The following AAK1 variants were observed in gnomAD, a reference collection of about 807,000 sequenced individuals.
AAK1 encodes AP2-associated protein kinase 1.
A neutral mutation model predicts 116.0 loss-of-function variants in AAK1; 37 were observed. That is an observed-to-expected ratio of 0.32 (90% CI 0.25 to 0.42). AAK1 has a LOEUF of 0.42. Ranked by LOEUF, AAK1 falls within the 10% of genes least tolerant of loss-of-function variation. AAK1 has a pLI of 1.00. For missense variants in AAK1, 919 were observed against 1,170.6 expected (o/e 0.79, Z 3.14); for synonymous variants, 458 against 439.9 (o/e 1.04, Z -0.51).
At chr2:69,633,218 C>CA (rs199667063) in intron 2 of AAK1, among the ~76,000 whole-genome samples, 29,202 of 105,834 alleles carry the variant, frequency 0.28, 4,121 homozygotes, top group East Asian at 0.51. Context: ...GACTCTGTTT[C>CA]AAAAAAAAAA....
At chr2:69,498,326 T>A (rs562492578) in intron 16 of AAK1, among the ~76,000 whole-genome samples, 24 of 152,164 alleles carry the variant, frequency 1.6e-4, no homozygotes, top group Non-Finnish European at 2.2e-4. Context: ...CTGGCTCTGA[T>A]TTCCTTCTTT....
chr2:69,460,558 G>A lies in AAK1; in HGVS notation c.*15311C>T, dbSNP rs1484460930. On this transcript the variant is annotated 3_prime_UTR_variant, in exon 22 of 22. Coordinates refer to ENST00000409085, the MANE Select transcript of AAK1 (RefSeq NM_014911.5). ...TATCTTTCTAGAACGTTTAGAAAGA[G>A]ATCTTAGTTGCCAGAGAAAACTCAG... The A allele has an allele frequency of 6.6e-6, 1 of 152,206 alleles. No homozygotes were observed. Among genetic ancestry groups the A allele is most frequent in the Non-Finnish European group, 1.5e-5 (1 of 68,042 alleles). 9.4% of individuals were successfully genotyped at this position (152,206 alleles called of 1,614,324 possible).
rs1054950065 is a variant in AAK1, at chr2:69,467,103, G to A, written c.*8766C>T. The A allele has an allele frequency of 1.2e-5, 12 of 985,256 alleles. No homozygotes were observed. Among genetic ancestry groups the A allele is most frequent in the South Asian group, 9.4e-5 (2 of 21,288 alleles). The allele number at this position is 985,256 out of a possible 1,614,324, so 61.0% of individuals were successfully genotyped here. On this transcript the variant is annotated 3_prime_UTR_variant, in exon 22 of 22. Transcript: ENST00000409085. ...CACAAGCACTACTCAAAGAGCATAC[G>A]AGTGCCCAAAATATAAATACTGAAG...
rs201588189 is a variant in AAK1 at position 69,507,587 on chromosome 2, G to A, written c.2007-9C>T. 6 of 1,582,284 alleles carry A rather than the reference G, an allele frequency of 3.8e-6. No individual in the cohort carries two copies. In the Admixed American group the frequency reaches 5.5e-5, roughly 15 times the overall value. ...GAGTGGTGGTTGCAGACCTAGGTAG[G>A]TTCCCACCCCCACGAAACAAAAAGA... On this transcript the variant is annotated splice_polypyrimidine_tract_variant and intron_variant, in intron 14 of 21. Coordinates refer to ENST00000409085, the MANE Select transcript of AAK1 (RefSeq NM_014911.5).
In AAK1 at chr2:69,640,077, TCTCC is replaced by T. The variant is rs1490026360; in HGVS notation, c.163+2797_163+2800del. Among the ~76,000 whole-genome samples, 136 of 148,158 alleles carry T rather than the reference TCTCC, an allele frequency of 9.2e-4. 2 individuals carry two copies. In the East Asian group the frequency reaches 0.014, roughly 15 times the overall value. On this transcript the variant is annotated intron_variant, in intron 2 of 21. Coordinates refer to ENST00000409085, the MANE Select transcript of AAK1 (RefSeq NM_014911.5). Reference sequence around the variant, plus strand: ...CACTCTCTCTCTCTCTCTCTCTCTCTCTCCCCCCCCACATATATACATATGATGT... The same window carrying T: ...CACTCTCTCTCTCTCTCTCTCTCTCTCCCCCCACATATATACATATGATGT...
In AAK1 at chr2:69,471,359, T is replaced by C. The variant is rs1674670248; in HGVS notation, c.*4510A>G. On this transcript the variant is annotated 3_prime_UTR_variant, in exon 22 of 22. Transcript: ENST00000409085. ...TAGATTTCCTAGCACTCATTCTGAT[T>C]TAAGAAATCTAAGCACATCCAACTT... is the stretch of plus-strand genomic sequence containing the variant. 1 of 985,314 alleles carries C rather than the reference T, an allele frequency of 1.0e-6. No homozygotes were observed. Among genetic ancestry groups the C allele is most frequent in the African/African-American group, 1.7e-5 (1 of 57,250 alleles). 61.0% of individuals were successfully genotyped at this position (985,314 alleles called of 1,614,324 possible).
intron 16 of AAK1, 106 bp from the exon 17 acceptor site, chr2:69,496,186 C>A: frequency 4.2e-6 from 3 of 714,094 alleles, no homozygotes; most frequent in Non-Finnish European, 7.1e-6. Context: ...TGCAACAGTT[C>A]AAACTACAGA....
chr2:69,552,747 A>C (rs1294044119), intron 3 of AAK1, among the ~76,000 whole-genome samples: 1 of 152,142 alleles, frequency 6.6e-6, no homozygotes, highest in African/African-American at 2.4e-5. Context: ...AATGGCTCAT[A>C]GGTTTAAATG....
intron 2 of AAK1, among the ~76,000 whole-genome samples, chr2:69,578,641 T>C (rs1672414960): frequency 6.6e-6 from 1 of 152,108 alleles, no homozygotes; most frequent in Admixed American, 6.5e-5. Flanking sequence ...TGCTCTCCTC[T>C]ATCTGAAGCC....
intron 2 of AAK1, among the ~76,000 whole-genome samples, chr2:69,563,005 A>G (rs570795185): frequency 1.3e-5 from 2 of 152,320 alleles, no homozygotes; most frequent in East Asian, 1.9e-4. Context: ...TTGAGGCTAC[A>G]GTGAACTATG....
chr2:69,634,539 T>A (rs959017122), intron 2 of AAK1, among the ~76,000 whole-genome samples: 1 of 152,226 alleles, frequency 6.6e-6, no homozygotes, highest in Non-Finnish European at 1.5e-5. Flanking sequence ...AACAGAGAAG[T>A]AATGGAAGAC....
At chr2:69,482,645 A>G in intron 18 of AAK1, 66 bp downstream of exon 18, 2 of 1,321,998 alleles carry the variant, frequency 1.5e-6, no homozygotes, top group Non-Finnish European at 2.2e-6. Flanking sequence ...TTAACTAGGT[A>G]CTTGTCATTC....
intron 2 of AAK1, among the ~76,000 whole-genome samples, chr2:69,619,201 C>T (rs1004024388): frequency 6.6e-6 from 1 of 152,200 alleles, no homozygotes; most frequent in Admixed American, 6.5e-5. Flanking sequence ...AGCTCCCTCT[C>T]TCATTCCCCT....
At position 69,458,170 on chromosome 2, in the gene AAK1, C is replaced by G. The variant is rs1384591629; in HGVS notation, c.*17699G>C. On this transcript the variant is annotated 3_prime_UTR_variant, in exon 22 of 22. Transcript: ENST00000409085. ...GTTAAGATTGACTTTCATGTTTCCC[C>G]CCCTCCTTTCTCTTGTTCACAGCCC... 6.6e-6 allele frequency: 1 copy of G among 151,738 alleles called. No individual in the cohort carries two copies. Among genetic ancestry groups the G allele is most frequent in the East Asian group, 1.9e-4 (1 of 5,164 alleles). The allele number at this position is 151,738 out of a possible 1,614,324, so 9.4% of individuals were successfully genotyped here. A position where few individuals can be genotyped will look rare whatever the true frequency, so the allele number is the denominator to read the frequency against.
At chr2:69,626,938 T>A (rs1199723245) in intron 2 of AAK1, among the ~76,000 whole-genome samples, 1 of 152,152 alleles carries the variant, frequency 6.6e-6, no homozygotes, top group Non-Finnish European at 1.5e-5. Context: ...TCTGCAGATG[T>A]GCCAGGCACT....
At chr2:69,574,600 G>A (rs1300320576) in intron 2 of AAK1, among the ~76,000 whole-genome samples, 2 of 150,776 alleles carry the variant, frequency 1.3e-5, no homozygotes, top group East Asian at 4.0e-4. Flanking sequence ...AAATAAGAGA[G>A]AGAGAGAGAT....
chr2:69,567,213 G>T (rs1330065425), intron 2 of AAK1, among the ~76,000 whole-genome samples: 1 of 152,098 alleles, frequency 6.6e-6, no homozygotes, highest in Non-Finnish European at 1.5e-5. Flanking sequence ...CCCATTCTTG[G>T]CCTGAGCCAC....
intron 2 of AAK1, among the ~76,000 whole-genome samples, chr2:69,621,721 C>T (rs973241593): frequency 6.6e-6 from 1 of 152,200 alleles, no homozygotes; most frequent in African/African-American, 2.4e-5. Context: ...GCTGCCTCCT[C>T]TCATTAAACC....
chr2:69,523,545 G>A (rs1463446024), intron 10 of AAK1, among the ~76,000 whole-genome samples: 1 of 152,198 alleles, frequency 6.6e-6, no homozygotes. Flanking sequence ...GCAGTTTGCT[G>A]CTAGCACTTA....
Sources: allele counts gnomAD v4.1 joint callset (sites outside exome capture counted in the v4.1 genomes callset), GRCh38; gene constraint gnomAD v4.1.1; transcripts MANE v1.5; gene names NCBI Gene and HGNC (gene_info 2026-07-23, HGNC 2026-07-21).